Variants in MLIP observed in about 807,000 individuals in gnomAD.
MLIP encodes the protein muscular LMNA interacting protein, also known as muscular LMNA-interacting protein.
In MLIP, 79 loss-of-function variants were observed where a neutral mutation model predicts 84.8. That is an observed-to-expected ratio of 0.93 (90% CI 0.78 to 1.12). MLIP has a LOEUF of 1.12. MLIP is among the 50% of genes most tolerant of loss of function. The pLI is 0.00. For synonymous variants in MLIP, 504 were observed against 463.0 expected (o/e 1.09, Z -1.14); for missense variants, 1,257 against 1,160.6 (o/e 1.08, Z -1.21).
intron 10 of MLIP, among the ~76,000 whole-genome samples, chr6:54,198,738 C>G (rs1003043129): frequency 6.6e-6 from 1 of 152,106 alleles, no homozygotes; most frequent in Non-Finnish European, 1.5e-5. Flanking sequence ...AAATCTATGT[C>G]CATGTTTCTC....
chr6:54,197,981 A>T (rs2150701981), intron 10 of MLIP, among the ~76,000 whole-genome samples: 1 of 152,232 alleles, frequency 6.6e-6, no homozygotes, highest in Non-Finnish European at 1.5e-5. Flanking sequence ...TGCAATGTAG[A>T]TGAGGAATTA....
In MLIP at chr6:54,238,819, TA is replaced by T. The variant is rs574118840; in HGVS notation, c.2922+7911del. Among the ~76,000 whole-genome samples the T allele has an allele frequency of 5.8e-3, 877 of 151,992 alleles. 8 individuals carry two copies. Among genetic ancestry groups the T allele is most frequent in the Non-Finnish European group, 7.7e-3 (525 of 67,918 alleles). On this transcript the variant is annotated intron_variant, in intron 12 of 13. Transcript: ENST00000502396. ...CCTTGAGGATATTTTTTCTTTCATT[TA>T]AAAAAAAATTATTTCATGCCAAGTT...
At chr6:54,176,200 G>A (rs1047839107) in intron 9 of MLIP, among the ~76,000 whole-genome samples, 7 of 151,322 alleles carry the variant, frequency 4.6e-5, no homozygotes, top group African/African-American at 1.5e-4. Context: ...TTAGTTTGAC[G>A]TATCTTTCTG....
At chr6:54,027,240 T>C (rs1763858696) in intron 1 of MLIP, among the ~76,000 whole-genome samples, 1 of 152,140 alleles carries the variant, frequency 6.6e-6, no homozygotes, top group Admixed American at 6.6e-5. Flanking sequence ...GGGTAAATAT[T>C]GTGAAATAGA....
At chr6:54,134,343 T>G (rs946918296) in intron 3 of MLIP, among the ~76,000 whole-genome samples, 2 of 152,092 alleles carry the variant, frequency 1.3e-5, no homozygotes, top group Admixed American at 1.3e-4. Flanking sequence ...CCCCTGAGAA[T>G]TTTATAAAAT....
At chr6:54,174,823 A>T (rs916289092) in intron 9 of MLIP, among the ~76,000 whole-genome samples, 2 of 151,946 alleles carry the variant, frequency 1.3e-5, no homozygotes, top group Non-Finnish European at 2.9e-5. Context: ...ATTTTTGCCC[A>T]GAAGAATGTC....
At chr6:54,213,169 A>C (rs189515170) in intron 11 of MLIP, among the ~76,000 whole-genome samples, 16 of 152,308 alleles carry the variant, frequency 1.1e-4, no homozygotes, top group Middle Eastern at 3.4e-3. Context: ...CTGGAAAGTG[A>C]TGTGAGACTT....
At chr6:54,048,375 T>C (rs971396861) in intron 1 of MLIP, among the ~76,000 whole-genome samples, 1 of 152,090 alleles carries the variant, frequency 6.6e-6, no homozygotes, top group Non-Finnish European at 1.5e-5. Flanking sequence ...GATACAGGGC[T>C]GGGAAGATTC....
chr6:54,042,229 A>G (rs1453926882), intron 1 of MLIP, among the ~76,000 whole-genome samples: 1 of 152,094 alleles, frequency 6.6e-6, no homozygotes, highest in Non-Finnish European at 1.5e-5. Flanking sequence ...CTCTCCCTAG[A>G]TGTAATAAAT....
chr6:54,215,044 T>C, intron 11 of MLIP: 2 of 810,252 alleles, frequency 2.5e-6, no homozygotes, highest in Non-Finnish European at 3.9e-6. Flanking sequence ...AAGTTCTCAA[T>C]ATTCTGGACC....
In MLIP at chr6:54,219,165, C is replaced by T. The variant is rs546285245; in HGVS notation, c.2719-11549C>T. ...AGCTTGTAGTGAGCCGAGATCATGCCACTGTACTCCAGCCTGGGGACAGAG... is the reference window on the plus strand; with the variant it reads ...AGCTTGTAGTGAGCCGAGATCATGCTACTGTACTCCAGCCTGGGGACAGAG... On this transcript the variant is annotated intron_variant, in intron 11 of 13. Coordinates refer to ENST00000502396, the MANE Select transcript of MLIP (RefSeq NM_001281747.2). 4.0e-5 allele frequency among the ~76,000 whole-genome samples: 6 copies of T among 151,660 alleles called. No homozygotes were observed. In the South Asian group the frequency reaches 1.2e-3, roughly 31 times the overall value.
chr6:54,252,265 A>AATATATAAGTATAATATATTATAAC (rs1193321508), intron 12 of MLIP, among the ~76,000 whole-genome samples: 8 of 114,436 alleles, frequency 7.0e-5, no homozygotes, highest in Non-Finnish European at 1.1e-4. Flanking sequence ...TATAACATAT[A>AATATATAAGTATAATATATTATAAC]ATATATAATA....
At chr6:54,219,293 A>G (rs1015805416) in intron 11 of MLIP, among the ~76,000 whole-genome samples, 1 of 150,836 alleles carries the variant, frequency 6.6e-6, no homozygotes, top group South Asian at 2.1e-4. Context: ...TTTTTTATTT[A>G]TATCTTTAAT....
At chr6:54,230,693 G>A in intron 11 of MLIP, 21 bp from the exon 12 acceptor site, 1 of 1,610,858 alleles carries the variant, frequency 6.2e-7, no homozygotes, top group South Asian at 1.1e-5. Flanking sequence ...ATCCTCTTAT[G>A]CCTTTCTTCT....
At chr6:54,262,386 T>G (rs953292825) in intron 13 of MLIP, among the ~76,000 whole-genome samples, 1 of 152,022 alleles carries the variant, frequency 6.6e-6, no homozygotes, top group Non-Finnish European at 1.5e-5. Flanking sequence ...TTTATACATA[T>G]TCTCAAGATC....
intron 1 of MLIP, among the ~76,000 whole-genome samples, chr6:54,028,041 T>C (rs948822187): frequency 5.9e-5 from 9 of 152,178 alleles, no homozygotes; most frequent in Non-Finnish European, 1.2e-4. Context: ...GAATGACAAA[T>C]AGACTGTGGT....
At chr6:54,146,492 A>G (rs1056531732) in intron 4 of MLIP, among the ~76,000 whole-genome samples, 2 of 152,236 alleles carry the variant, frequency 1.3e-5, no homozygotes, top group East Asian at 3.8e-4. Context: ...GGCATGAGCC[A>G]TGATTTCAAG....
intron 3 of MLIP, among the ~76,000 whole-genome samples, chr6:54,125,850 T>C (rs1298245218): frequency 6.6e-6 from 1 of 152,062 alleles, no homozygotes; most frequent in Non-Finnish European, 1.5e-5. Flanking sequence ...ACAGGACCAA[T>C]GCAAAATGGT....
rs1779861195 is a variant in MLIP, at chr6:54,216,474, T to C, written c.2719-14240T>C. ...GTGTTTTTCTTTCTTTTCCCTTGAGTGTACCTCCATCAGATACTTCCATGC... is the reference window on the plus strand; with the variant it reads ...GTGTTTTTCTTTCTTTTCCCTTGAGCGTACCTCCATCAGATACTTCCATGC... On this transcript the variant is annotated intron_variant, in intron 11 of 13. Coordinates refer to ENST00000502396, the MANE Select transcript of MLIP (RefSeq NM_001281747.2). The C allele has an allele frequency of 5.1e-6, 5 of 985,308 alleles. No homozygotes were observed. The South Asian group carries it at 1.9e-4, about 37-fold the overall frequency. The allele number at this position is 985,308 out of a possible 1,614,324, so 61.0% of individuals were successfully genotyped here. A position where few individuals can be genotyped will look rare whatever the true frequency, so the allele number is the denominator to read the frequency against.
Sources: gnomAD v4.1 joint callset for allele counts (sites outside exome capture counted in the v4.1 genomes callset) on GRCh38, gnomAD v4.1.1 for gene constraint, MANE v1.5 for transcripts, NCBI Gene and HGNC (gene_info 2026-07-23, HGNC 2026-07-21) for gene names.